The following TNS1 variants were observed in gnomAD, a reference collection of about 807,000 sequenced individuals.
TNS1 encodes the protein tensin 1.
TNS1 carries 62 observed loss-of-function variants against 168.6 expected under a neutral mutation model. The ratio of observed to expected loss-of-function variants is 0.37; its 90% CI spans 0.30 to 0.45. The LOEUF is 0.45. Ranked by LOEUF, TNS1 falls within the 20% of genes least tolerant of loss-of-function variation. The probability of loss-of-function intolerance (pLI) is 1.00; values close to 1 mark genes in which losing one functional copy is unlikely to be tolerated. For synonymous variants in TNS1, 934 were observed against 933.2 expected (o/e 1.00, Z -0.02); for missense variants, 2,240 against 2,339.4 (o/e 0.96, Z 0.88).
At chr2:217,844,609 A>C (rs566268647) in intron 19 of TNS1, among the ~76,000 whole-genome samples, 17 of 152,340 alleles carry the variant, frequency 1.1e-4, no homozygotes, top group African/African-American at 3.8e-4. Flanking sequence ...TCCAAGGCTC[A>C]GTTTAAAACC....
chr2:217,808,695 CAG>C (rs1939733058), intron 30 of TNS1, 24 bp from the exon 31 acceptor site: 1 of 1,612,458 alleles, frequency 6.2e-7, no homozygotes, highest in East Asian at 2.2e-5. Context: ...ATCAGATAAA[CAG>C]AGAATGAGTG....
chr2:217,864,646 C>T (rs1279995848), intron 18 of TNS1, among the ~76,000 whole-genome samples: 4 of 152,164 alleles, frequency 2.6e-5, no homozygotes, highest in Non-Finnish European at 5.9e-5. Context: ...GAGCACTGTC[C>T]CCATCAAACT....
At chr2:217,820,076 C>G (rs969248695) in intron 23 of TNS1, among the ~76,000 whole-genome samples, 3 of 152,146 alleles carry the variant, frequency 2.0e-5, no homozygotes, top group Admixed American at 2.0e-4. Flanking sequence ...AAGCAGAAGG[C>G]CACCTCCTGG....
At chr2:218,024,317 C>A (rs978191252) in intron 1 of TNS1, among the ~76,000 whole-genome samples, 1 of 151,952 alleles carries the variant, frequency 6.6e-6, no homozygotes, top group African/African-American at 2.4e-5. Flanking sequence ...CCCATCCCCC[C>A]ACGGAATACT....
chr2:217,913,167 AT>A (rs1954625623), intron 4 of TNS1, among the ~76,000 whole-genome samples: 1 of 152,146 alleles, frequency 6.6e-6, no homozygotes, highest in Non-Finnish European at 1.5e-5. Context: ...ACCCTGAAGT[AT>A]ATCTGCTCAG....
At chr2:218,016,986 G>C (rs994013199) in intron 1 of TNS1, among the ~76,000 whole-genome samples, 1 of 152,190 alleles carries the variant, frequency 6.6e-6, no homozygotes, top group Non-Finnish European at 1.5e-5. Context: ...CAGCTGGCCA[G>C]CCAGGGAAAC....
chr2:218,027,050 G>T (rs1176510411), intron 1 of TNS1, among the ~76,000 whole-genome samples: 3 of 152,052 alleles, frequency 2.0e-5, no homozygotes, highest in Non-Finnish European at 4.4e-5. Flanking sequence ...GCTTCTGGGG[G>T]CCCACGAAGG....
At chr2:217,855,363 C>T (rs894770364) in intron 18 of TNS1, among the ~76,000 whole-genome samples, 2 of 152,194 alleles carry the variant, frequency 1.3e-5, no homozygotes, top group Admixed American at 6.5e-5. Context: ...AGACTCAGTT[C>T]AAACTTCCCT....
At chr2:217,950,353 C>T (rs1178509164) in intron 3 of TNS1, among the ~76,000 whole-genome samples, 4 of 152,146 alleles carry the variant, frequency 2.6e-5, no homozygotes, top group Non-Finnish European at 5.9e-5. Flanking sequence ...AAGCCTAGGG[C>T]CATTTCCCAT....
intron 30 of TNS1, 44 bp from the exon 31 acceptor site, chr2:217,808,715 G>C (rs1939742632): frequency 6.3e-7 from 1 of 1,593,036 alleles, no homozygotes; most frequent in South Asian, 1.1e-5. Flanking sequence ...GTGCTGAAGG[G>C]GCTGCTTTTC....
chr2:217,979,600 A>G (rs1957989425), intron 2 of TNS1, among the ~76,000 whole-genome samples: 1 of 152,028 alleles, frequency 6.6e-6, no homozygotes, highest in East Asian at 1.9e-4. Flanking sequence ...CAAATTTCCT[A>G]TAAGGTTCCC....
chr2:217,821,812 T>A lies in TNS1; in HGVS notation c.3500A>T (p.Asn1167Ile). ...QAYGHEIPLRNGTLGGSFVSP... is the reference protein window; with the variant it reads ...QAYGHEIPLRIGTLGGSFVSP... ...GACAAAGGAGCCACCCAGGGTCCCG[T>A]TCCTCAGGGGTATCTCATGGCCATA... The change falls in exon 23 of 33, where the codon AAC becomes ATC. Residue 1167 changes from asparagine (N) to isoleucine (I), a missense_variant. By Grantham distance (149) the Asn-to-Ile change is moderately radical (BLOSUM62 -3). Around this residue, in one of 2 missense-constraint regions of TNS1, gnomAD observed 2,131 missense variants for 2,171.2 expected, o/e 0.98. Coordinates refer to ENST00000682258, the MANE Select transcript of TNS1 (RefSeq NM_001387777.1). The A allele has an allele frequency of 1.9e-6, 3 of 1,553,002 alleles. No individual in the cohort carries two copies. Among genetic ancestry groups the A allele is most frequent in the Non-Finnish European group, 2.6e-6 (3 of 1,152,288 alleles).
intron 3 of TNS1, among the ~76,000 whole-genome samples, chr2:217,962,162 G>C (rs1284989418): frequency 6.6e-6 from 1 of 152,234 alleles, no homozygotes; most frequent in Non-Finnish European, 1.5e-5. Flanking sequence ...TCAAGAACCA[G>C]GCTGGGTGAG....
At chr2:217,892,815 C>T in intron 11 of TNS1, 133 bp downstream of exon 11, 2 of 1,038,124 alleles carry the variant, frequency 1.9e-6, no homozygotes, top group South Asian at 1.8e-5. Flanking sequence ...GGCCCCTTCC[C>T]CCGTCCTCAT....
intron 3 of TNS1, among the ~76,000 whole-genome samples, chr2:217,947,550 C>G (rs1320156259): frequency 6.6e-6 from 1 of 152,040 alleles, no homozygotes; most frequent in Admixed American, 6.6e-5. Flanking sequence ...GGGACAGAGC[C>G]TGGAGCAACA....
intron 22 of TNS1, among the ~76,000 whole-genome samples, chr2:217,822,903 G>A (rs1416016119): frequency 6.6e-6 from 1 of 152,168 alleles, no homozygotes; most frequent in East Asian, 1.9e-4. Flanking sequence ...CATGATCCGG[G>A]AGGAATGTCA....
At chr2:217,968,873 T>G (rs1957711862) in intron 3 of TNS1, among the ~76,000 whole-genome samples, 1 of 152,142 alleles carries the variant, frequency 6.6e-6, no homozygotes, top group South Asian at 2.1e-4. Context: ...TTTTGTATTT[T>G]TAGTAGAGAT....
At chr2:217,955,340 G>A (rs1433605689) in intron 3 of TNS1, among the ~76,000 whole-genome samples, 1 of 152,190 alleles carries the variant, frequency 6.6e-6, no homozygotes, top group Admixed American at 6.5e-5. Context: ...AGGACCATGT[G>A]GGCCTCAGTT....
chr2:217,949,275 G>A lies in TNS1; in HGVS notation c.187-29039C>T, dbSNP rs1198805547. On this transcript the variant is annotated intron_variant, in intron 3 of 32. Coordinates refer to ENST00000682258, the MANE Select transcript of TNS1 (RefSeq NM_001387777.1). ...GGCAGACGTTGGTCCTTGGCAGAAAGTACTGCACACAAACCCCTGTCTCCC... is the reference window on the plus strand; with the variant it reads ...GGCAGACGTTGGTCCTTGGCAGAAAATACTGCACACAAACCCCTGTCTCCC... 2.6e-5 allele frequency among the ~76,000 whole-genome samples: 4 copies of A among 152,238 alleles called. No individual in the cohort carries two copies. In the South Asian group the frequency reaches 6.2e-4, roughly 24 times the overall value.
Sources: gnomAD v4.1 joint callset for allele counts (sites outside exome capture counted in the v4.1 genomes callset) on GRCh38, gnomAD v4.1.1 for gene constraint, gnomAD v4.1.1 regional missense constraint, MANE v1.5 for transcripts, NCBI Gene and HGNC (gene_info 2026-07-23, HGNC 2026-07-21) for gene names.